The following CNTN5 variants were observed in gnomAD, a reference collection of about 807,000 sequenced individuals.
The protein encoded by CNTN5 is contactin 5.
Under a neutral mutation model 129.1 loss-of-function variants are expected in CNTN5, and 77 were observed. The observed-to-expected ratio is 0.60, with a 90% CI of 0.50 to 0.72. The LOEUF (loss-of-function observed/expected upper bound fraction) is 0.72. Among genes scored for constraint, CNTN5 ranks in the 30% least tolerant of loss-of-function variants. CNTN5 has a pLI of 0.00. For synonymous variants in CNTN5, 509 were observed against 465.6 expected (o/e 1.09, Z -1.20); for missense variants, 1,478 against 1,328.8 (o/e 1.11, Z -1.75).
intron 2 of CNTN5, among the ~76,000 whole-genome samples, chr11:99,531,769 C>G (rs534671901): frequency 6.6e-6 from 1 of 152,244 alleles, no homozygotes; most frequent in African/African-American, 2.4e-5. Flanking sequence ...ATTGAGCGTT[C>G]GAGTGCACAG....
intron 7 of CNTN5, among the ~76,000 whole-genome samples, chr11:99,923,446 T>C (rs926269519): frequency 1.3e-5 from 2 of 152,218 alleles, no homozygotes; most frequent in African/African-American, 4.8e-5. Context: ...AAAGTTATTT[T>C]ACTATTTAGA....
chr11:100,039,159 G>A (rs1177183243), intron 9 of CNTN5, among the ~76,000 whole-genome samples: 3 of 152,124 alleles, frequency 2.0e-5, no homozygotes, highest in Non-Finnish European at 4.4e-5. Flanking sequence ...TTTAGGGCAG[G>A]CCTGGTAGTG....
intron 24 of CNTN5, 132 bp downstream of exon 24, chr11:100,351,002 A>G: frequency 1.6e-6 from 1 of 632,528 alleles, no homozygotes; most frequent in African/African-American, 1.8e-5. Context: ...TGATTTTTAT[A>G]TTATCTTCTG....
chr11:100,201,675 A>G (rs942876721), intron 15 of CNTN5, among the ~76,000 whole-genome samples: 2 of 151,948 alleles, frequency 1.3e-5, no homozygotes, highest in African/African-American at 4.8e-5. Context: ...AGCCTATTCC[A>G]ATGAATTGAA....
intron 1 of CNTN5, among the ~76,000 whole-genome samples, chr11:99,162,871 CAAGA>C (rs960016956): frequency 6.6e-6 from 1 of 152,156 alleles, no homozygotes; most frequent in African/African-American, 2.4e-5. Flanking sequence ...CATGATTCTA[CAAGA>C]AAGATTCAAG....
At chr11:100,192,208 T>C (rs2138508492) in intron 14 of CNTN5, among the ~76,000 whole-genome samples, 2 of 152,114 alleles carry the variant, frequency 1.3e-5, no homozygotes, top group Middle Eastern at 6.8e-3. Context: ...CATTTTGTAA[T>C]AAGGCAATGC....
At chr11:100,267,522 G>T (rs1950331328) in intron 17 of CNTN5, among the ~76,000 whole-genome samples, 2 of 152,046 alleles carry the variant, frequency 1.3e-5, no homozygotes, top group South Asian at 2.1e-4. Flanking sequence ...TACCGAGAAG[G>T]TATATTTGCA....
chr11:99,185,812 ACC>A (rs1565386179), intron 1 of CNTN5, among the ~76,000 whole-genome samples: 13 of 150,318 alleles, frequency 8.6e-5, no homozygotes, highest in Non-Finnish European at 1.8e-4. Flanking sequence ...CATCAAAATA[ACC>A]CATCAAAATA....
intron 1 of CNTN5, among the ~76,000 whole-genome samples, chr11:99,299,233 AC>A (rs1464221424): frequency 1.3e-5 from 2 of 152,170 alleles, no homozygotes; most frequent in Non-Finnish European, 2.9e-5. Context: ...TAGACAAAAG[AC>A]TTTAAATCAG....
At chr11:100,112,840 T>G in intron 13 of CNTN5, among the ~76,000 whole-genome samples, 1 of 152,146 alleles carries the variant, frequency 6.6e-6, no homozygotes. Flanking sequence ...AGAGTGCCTT[T>G]TAACAACAGT....
intron 3 of CNTN5, among the ~76,000 whole-genome samples, chr11:99,796,708 C>T (rs924884912): frequency 3.9e-5 from 6 of 152,062 alleles, no homozygotes; most frequent in Admixed American, 1.3e-4. Flanking sequence ...TTCAGGTCCA[C>T]TAGCTCTCCT....
chr11:100,034,419 T>C (rs759027440), intron 9 of CNTN5, among the ~76,000 whole-genome samples: 1 of 152,226 alleles, frequency 6.6e-6, no homozygotes, highest in Non-Finnish European at 1.5e-5. Context: ...ATATCTTAAA[T>C]ATCTTAAACA....
intron 6 of CNTN5, among the ~76,000 whole-genome samples, chr11:99,879,095 G>A (rs558398448): frequency 3.3e-5 from 5 of 151,802 alleles, no homozygotes; most frequent in Non-Finnish European, 7.4e-5. Context: ...GTACCACTAC[G>A]CCCAGTTAAT....
intron 3 of CNTN5, among the ~76,000 whole-genome samples, chr11:99,754,237 G>T (rs1304805853): frequency 6.6e-6 from 1 of 152,104 alleles, no homozygotes; most frequent in Non-Finnish European, 1.5e-5. Flanking sequence ...TAAGATGAGA[G>T]TAAAGATGGA....
At chr11:100,222,469 G>T (rs1949285978) in intron 15 of CNTN5, among the ~76,000 whole-genome samples, 1 of 152,028 alleles carries the variant, frequency 6.6e-6, no homozygotes, top group Non-Finnish European at 1.5e-5. Flanking sequence ...ATTTTGTCCA[G>T]GAGATATATA....
At chr11:99,791,360 A>G (rs1170409591) in intron 3 of CNTN5, among the ~76,000 whole-genome samples, 1 of 152,148 alleles carries the variant, frequency 6.6e-6, no homozygotes, top group East Asian at 1.9e-4. Flanking sequence ...CCTTCTGCAT[A>G]TGGCTAGCAG....
At chr11:99,858,220 C>G (rs1455394455) in intron 6 of CNTN5, among the ~76,000 whole-genome samples, 1 of 152,054 alleles carries the variant, frequency 6.6e-6, no homozygotes, top group Non-Finnish European at 1.5e-5. Context: ...ACATCTGTCA[C>G]AACAGAATAA....
chr11:99,780,898 G>A (rs369613996), intron 3 of CNTN5, among the ~76,000 whole-genome samples: 1 of 152,018 alleles, frequency 6.6e-6, no homozygotes, highest in Non-Finnish European at 1.5e-5. Context: ...GGTAAATCAG[G>A]TGGGCTTAAT....
chr11:99,908,324 T>G (rs10501930), intron 6 of CNTN5, among the ~76,000 whole-genome samples: 1 of 152,016 alleles, frequency 6.6e-6, no homozygotes, highest in African/African-American at 2.4e-5. Flanking sequence ...ATTTAATACA[T>G]CTGCAAGTTA....
Sources: allele counts gnomAD v4.1 joint callset (sites outside exome capture counted in the v4.1 genomes callset), GRCh38; gene constraint gnomAD v4.1.1; transcripts MANE v1.5; gene names NCBI Gene and HGNC (gene_info 2026-07-23, HGNC 2026-07-21).